MTG2: variants seen among roughly 807,000 people sequenced by gnomAD.
The protein encoded by MTG2 is mitochondrial ribosome-associated GTPase 2.
MTG2 carries 23 observed loss-of-function variants against 28.6 expected under a neutral mutation model. The ratio of observed to expected loss-of-function variants is 0.80; its 90% CI spans 0.58 to 1.14. MTG2 has a LOEUF of 1.14. Among genes scored for constraint, MTG2 ranks in the 50% most tolerant of loss-of-function variants. MTG2 has a pLI of 0.00. For synonymous variants in MTG2, 260 were observed against 251.8 expected (o/e 1.03, Z -0.31); for missense variants, 539 against 552.0 (o/e 0.98, Z 0.24).
intron 4 of MTG2, chr20:62,198,178 G>A: frequency 1.7e-6 from 1 of 577,458 alleles, no homozygotes; most frequent in South Asian, 2.1e-5. Context: ...CTCACACCAT[G>A]TGCATGTCTA....
At chr20:62,197,825 G>A (rs753971984) in intron 3 of MTG2, 27 bp from the exon 4 acceptor site, 2 of 1,601,218 alleles carry the variant, frequency 1.2e-6, no homozygotes, top group Non-Finnish European at 1.7e-6. Context: ...TAACACAAAG[G>A]GACTGAGATT....
At chr20:62,189,848 A>G (rs1283040030) in intron 1 of MTG2, among the ~76,000 whole-genome samples, 2 of 151,974 alleles carry the variant, frequency 1.3e-5, no homozygotes, top group African/African-American at 4.8e-5. Flanking sequence ...TATTTTTAGT[A>G]GAGACGGGGT....
At chr20:62,197,338 A>C (rs995813562) in intron 3 of MTG2, 3 of 152,194 alleles carry the variant, frequency 2.0e-5, no homozygotes, top group Non-Finnish European at 4.4e-5. Flanking sequence ...CAGATGTTGC[A>C]GTGAGCCAAG....
At chr20:62,200,319 A>C (rs1458229328) in intron 6 of MTG2, 1 of 193,514 alleles carries the variant, frequency 5.2e-6, no homozygotes, top group African/African-American at 2.3e-5. Flanking sequence ...TCTACATGTA[A>C]ATTTCTATCA....
chr20:62,186,012 C>G (rs146328785), intron 1 of MTG2, among the ~76,000 whole-genome samples: 3 of 152,190 alleles, frequency 2.0e-5, no homozygotes, highest in Non-Finnish European at 4.4e-5. Context: ...ACCTTCTCTG[C>G]GGTTGATCTG....
intron 1 of MTG2, among the ~76,000 whole-genome samples, chr20:62,186,820 T>C (rs1029218881): frequency 1.3e-5 from 2 of 152,186 alleles, no homozygotes; most frequent in African/African-American, 4.8e-5. Context: ...TGAGCCACCG[T>C]GCCCAGCCTT....
chr20:62,194,540 T>C (rs1374040857), intron 2 of MTG2, among the ~76,000 whole-genome samples: 2 of 152,270 alleles, frequency 1.3e-5, no homozygotes, highest in Non-Finnish European at 2.9e-5. Context: ...TTTTCCCACA[T>C]GGTGGTGCCA....
At chr20:62,197,395 T>TAA (rs10625260) in intron 3 of MTG2, 34,181 of 148,344 alleles carry the variant, frequency 0.23, 4,007 homozygotes, top group South Asian at 0.38. Flanking sequence ...AGACTCTGTC[T>TAA]AAAAAAAAAA....
At chr20:62,187,927 C>T (rs2057879799) in intron 1 of MTG2, among the ~76,000 whole-genome samples, 1 of 152,074 alleles carries the variant, frequency 6.6e-6, no homozygotes, top group Non-Finnish European at 1.5e-5. Flanking sequence ...ACCAAGGTAG[C>T]CATTAGAGCT....
At position 62,203,478 on chromosome 20, in the gene MTG2, C is replaced by A. The variant is rs1207060218; in HGVS notation, c.*2401C>A. 2 of 152,246 alleles carry A rather than the reference C, an allele frequency of 1.3e-5. No homozygotes were observed. The highest frequency in any genetic ancestry group is 4.8e-5 in the African/African-American group (2 of 41,458). The allele number at this position is 152,246 out of a possible 1,614,324, so 9.4% of individuals were successfully genotyped here. A position where few individuals can be genotyped will look rare whatever the true frequency, so the allele number is the denominator to read the frequency against. ...AAGCTACACTTGGCTTCCCCAGTTT[C>A]CTGTTTCCTGCCTAGAAACAAATTT... On this transcript the variant is annotated 3_prime_UTR_variant, in exon 7 of 7. Transcript: ENST00000370823.
rs773840274 is a variant in MTG2 at position 62,198,863 on chromosome 20, C to T, written c.687+11C>T. On this transcript the variant is annotated intron_variant, in intron 5 of 6. Transcript: ENST00000370823. ...GCCCACGCCGGAATGGTAGGTGTCC[C>T]CACTGCCAACAGCATCTGCACACAC... 4 of 1,613,862 alleles carry T rather than the reference C, an allele frequency of 2.5e-6. No individual in the cohort carries two copies. Among genetic ancestry groups the T allele is most frequent in the Non-Finnish European group, 3.4e-6 (4 of 1,179,920 alleles).
chr20:62,184,739 C>T (rs918311058), intron 1 of MTG2, among the ~76,000 whole-genome samples: 4 of 152,198 alleles, frequency 2.6e-5, no homozygotes, highest in East Asian at 1.9e-4. Context: ...GAAAGCTGGT[C>T]TGGAAAAGCA....
In MTG2 at chr20:62,200,723, CAG is replaced by C. The variant is rs777539979; in HGVS notation, c.868_869del (p.Arg290GlyfsTer26). The C allele has an allele frequency of 1.4e-5, 22 of 1,613,172 alleles. No homozygotes were observed. The highest frequency in any genetic ancestry group is 3.3e-5 in the Admixed American group (2 of 60,012). ...PGIIRGAHQNRGLGSAFLRHI... is the reference protein window; with the variant it reads ...PGIIRGAHQNXGLGSAFLRHI... ...GCATCATACGAGGCGCCCACCAGAA[CAG>C]GGGTCTGGGGTCCGCCTTCCTCAGG... On this transcript the variant is annotated frameshift_variant, in exon 7 of 7. Transcript: ENST00000370823. LOFTEE classifies it low-confidence loss of function (END_TRUNC).
chr20:62,197,015 A>C (rs1444277647), intron 3 of MTG2, among the ~76,000 whole-genome samples: 1 of 151,958 alleles, frequency 6.6e-6, no homozygotes, highest in Non-Finnish European at 1.5e-5. Flanking sequence ...CTCGGCAACA[A>C]GAGTGAAACT....
At chr20:62,193,275 C>T in intron 1 of MTG2, 141 bp from the exon 2 acceptor site, 1 of 818,240 alleles carries the variant, frequency 1.2e-6, no homozygotes, top group Admixed American at 2.4e-5. Context: ...GGTGAGTGAC[C>T]AGGAAAATCG....
intron 1 of MTG2, chr20:62,188,806 G>A (rs2057899601): frequency 6.6e-6 from 1 of 151,826 alleles, no homozygotes; most frequent in African/African-American, 2.4e-5. Flanking sequence ...TTGACGTGAG[G>A]TTTGTTGACC....
intron 2 of MTG2, chr20:62,193,851 G>T: frequency 1.8e-6 from 1 of 548,114 alleles, no homozygotes. Flanking sequence ...TGCTTGGAAA[G>T]CCGTGATACA....
chr20:62,200,878 C>T lies in MTG2; in HGVS notation c.1022C>T (p.Ala341Val), dbSNP rs1351585233. The change falls in exon 7 of 7, where the codon GCA (alanine) becomes GTA (valine). Residue 341 changes from alanine (A) to valine (V), a missense_variant. Physicochemically the swap from Ala to Val is moderately conservative, Grantham distance 64. Coordinates refer to ENST00000370823, the MANE Select transcript of MTG2 (RefSeq NM_015666.4). The part of the protein sequence containing the change: ...YEKGLSARPH[A>V]IVANKIDLPE... The stretch of plus-strand genomic sequence containing the variant: ...AAGGGCCTGTCTGCGAGGCCCCACG[C>T]AATCGTCGCAAACAAGATTGACCTC... The T allele has an allele frequency of 3.1e-6, 5 of 1,614,040 alleles. No individual in the cohort carries two copies. Among genetic ancestry groups the T allele is most frequent in the Admixed American group, 1.7e-5 (1 of 60,034 alleles).
At chr20:62,198,475 G>A (rs2058100224) in intron 4 of MTG2, among the ~76,000 whole-genome samples, 159 bp from the exon 5 acceptor site, 1 of 152,246 alleles carries the variant, frequency 6.6e-6, no homozygotes, top group Non-Finnish European at 1.5e-5. Context: ...CCTTTTCCTT[G>A]TGCTCCGGAG....
Sources: allele counts gnomAD v4.1 joint callset (sites outside exome capture counted in the v4.1 genomes callset), GRCh38; gene constraint gnomAD v4.1.1; transcripts MANE v1.5; gene names NCBI Gene and HGNC (gene_info 2026-07-23, HGNC 2026-07-21).